Variants in DPP6 observed in about 807,000 individuals in gnomAD.
The protein encoded by DPP6 is A-type potassium channel modulatory protein DPP6.
A neutral mutation model predicts 122.6 loss-of-function variants in DPP6; 69 were observed. That is an observed-to-expected ratio of 0.56 (90% confidence interval 0.46 to 0.69). The LOEUF (loss-of-function observed/expected upper bound fraction) is 0.69, where lower values mean the gene tolerates loss of function less well. DPP6 is among the 30% of genes least tolerant of loss of function. The probability of loss-of-function intolerance (pLI) is 0.00; values close to 1 mark genes in which losing one functional copy is unlikely to be tolerated. For synonymous variants in DPP6, 418 were observed against 433.1 expected (o/e 0.97, Z 0.43); for missense variants, 928 against 1,116.9 (o/e 0.83, Z 2.41).
intron 1 of DPP6, among the ~76,000 whole-genome samples, chr7:153,989,450 C>T (rs1467290000): frequency 1.3e-5 from 2 of 151,422 alleles, no homozygotes; most frequent in Non-Finnish European, 2.9e-5. Flanking sequence ...TGAGGAGGGG[C>T]TCGGAGGTCC....
At chr7:154,497,180 A>T (rs769824075) in intron 3 of DPP6, among the ~76,000 whole-genome samples, 3 of 152,198 alleles carry the variant, frequency 2.0e-5, no homozygotes, top group Non-Finnish European at 4.4e-5. Flanking sequence ...TGACAGACTA[A>T]AAAACTAAAA....
chr7:154,621,514 T>TCC (rs1563022163), intron 5 of DPP6, among the ~76,000 whole-genome samples: 1 of 151,800 alleles, frequency 6.6e-6, no homozygotes, highest in African/African-American at 2.4e-5. Context: ...GATTACAGGC[T>TCC]CATGCCACCA....
At chr7:154,385,018 A>C (rs1164351022) in intron 1 of DPP6, among the ~76,000 whole-genome samples, 1 of 152,092 alleles carries the variant, frequency 6.6e-6, no homozygotes, top group Non-Finnish European at 1.5e-5. Flanking sequence ...TCTGTCGCCC[A>C]GGAGTGCAGT....
At chr7:154,388,935 C>CAA (rs1814363267) in intron 1 of DPP6, among the ~76,000 whole-genome samples, 1 of 152,198 alleles carries the variant, frequency 6.6e-6, no homozygotes, top group African/African-American at 2.4e-5. Context: ...CTTTCCTTCT[C>CAA]AAATATACTT....
intron 3 of DPP6, among the ~76,000 whole-genome samples, chr7:154,526,789 A>T (rs1309855229): frequency 6.6e-6 from 1 of 152,180 alleles, no homozygotes; most frequent in African/African-American, 2.4e-5. Context: ...ATCACTCTTC[A>T]TGAGAGGCAG....
intron 1 of DPP6, among the ~76,000 whole-genome samples, chr7:154,240,557 C>T (rs1033261036): frequency 2.6e-5 from 4 of 152,182 alleles, no homozygotes; most frequent in Non-Finnish European, 5.9e-5. Context: ...AAATAACTAT[C>T]TCCTGTAAAA....
At chr7:154,103,520 T>C (rs1326672936) in intron 1 of DPP6, among the ~76,000 whole-genome samples, 1 of 152,208 alleles carries the variant, frequency 6.6e-6, no homozygotes, top group African/African-American at 2.4e-5. Context: ...GTTGCCGTGA[T>C]GGTGAATGTT....
chr7:154,219,005 G>A (rs953625618), intron 1 of DPP6, among the ~76,000 whole-genome samples: 9 of 152,272 alleles, frequency 5.9e-5, no homozygotes, highest in Admixed American at 5.9e-4. Context: ...TTCCCAGAAT[G>A]GGCCTGTCTT....
chr7:154,351,386 A>C (rs1327873438), intron 1 of DPP6, among the ~76,000 whole-genome samples: 1 of 152,160 alleles, frequency 6.6e-6, no homozygotes, highest in African/African-American at 2.4e-5. Context: ...GGGTGGAAAC[A>C]GTGGGGAGGC....
chr7:154,525,449 C>T (rs1827329747), intron 3 of DPP6, among the ~76,000 whole-genome samples: 1 of 152,220 alleles, frequency 6.6e-6, no homozygotes, highest in South Asian at 2.1e-4. Context: ...TGAACCACTG[C>T]ACCTGGTCTG....
At chr7:154,353,320 A>G (rs1473690519) in intron 1 of DPP6, among the ~76,000 whole-genome samples, 1 of 152,156 alleles carries the variant, frequency 6.6e-6, no homozygotes, top group Middle Eastern at 3.2e-3. Context: ...GTTGTTCTGA[A>G]TCTTTTGAGT....
At chr7:153,784,540 T>C in the DPP6 span, among the ~76,000 whole-genome samples, 2 of 152,228 alleles carry the variant, frequency 1.3e-5, no homozygotes, top group Admixed American at 6.5e-5. Context: ...TTGGATGACA[T>C]AGTGTGATCA....
chr7:154,149,964 C>A (rs972110533), intron 1 of DPP6, among the ~76,000 whole-genome samples: 3 of 151,914 alleles, frequency 2.0e-5, no homozygotes, highest in African/African-American at 7.2e-5. Context: ...CTCTTTTTTT[C>A]TCATTGTTAC....
At chr7:154,188,631 G>A (rs1798466328) in intron 1 of DPP6, among the ~76,000 whole-genome samples, 2 of 152,122 alleles carry the variant, frequency 1.3e-5, no homozygotes, top group East Asian at 1.9e-4. Flanking sequence ...TGAGTTTTGC[G>A]AGTGAGCTTT....
chr7:153,887,147 C>G (rs893178807), exon 1 of DPP6: 1 of 152,680 alleles, frequency 6.5e-6, no homozygotes, highest in Non-Finnish European at 1.5e-5. Context: ...CACGCCTCCC[C>G]TGGCGTCGCC....
intron 25 of DPP6, 157 bp downstream of exon 25, chr7:154,889,687 C>A: frequency 8.7e-7 from 1 of 1,150,862 alleles, no homozygotes; most frequent in Non-Finnish European, 1.2e-6. Flanking sequence ...AAAATCAGCA[C>A]ATGCTCAACG....
At chr7:154,757,173 C>T (rs1028157362) in intron 8 of DPP6, among the ~76,000 whole-genome samples, 14 of 151,956 alleles carry the variant, frequency 9.2e-5, no homozygotes, top group Admixed American at 2.6e-4. Context: ...ACTTGCCAGC[C>T]CCTTCTCCAT....
chr7:154,006,117 C>G (rs1377450652), intron 1 of DPP6, among the ~76,000 whole-genome samples: 1 of 152,246 alleles, frequency 6.6e-6, no homozygotes, highest in African/African-American at 2.4e-5. Context: ...CCAAGGGGTG[C>G]TGACAGGTAC....
intron 1 of DPP6, among the ~76,000 whole-genome samples, chr7:153,906,713 G>A (rs1170593457): frequency 6.6e-6 from 1 of 152,216 alleles, no homozygotes; most frequent in Admixed American, 6.5e-5. Context: ...CAGGCAGCTA[G>A]GGTGTGAGGA....
Sources: gnomAD v4.1 joint callset for allele counts (sites outside exome capture counted in the v4.1 genomes callset) on GRCh38, gnomAD v4.1.1 for gene constraint, MANE v1.5 for transcripts, NCBI Gene and HGNC (gene_info 2026-07-23, HGNC 2026-07-21) for gene names.